FMNL3: variants seen among roughly 807,000 people sequenced by gnomAD.
The protein encoded by FMNL3 is formin-like protein 3.
Under a neutral mutation model 119.6 loss-of-function variants are expected in FMNL3, and 57 were observed. The observed-to-expected ratio is 0.48, with a 90% CI of 0.39 to 0.59. The LOEUF is 0.59. FMNL3 is among the 20% of genes least tolerant of loss of function. The pLI is 0.00. For synonymous variants in FMNL3, 491 were observed against 507.3 expected (o/e 0.97, Z 0.43); for missense variants, 1,053 against 1,323.5 (o/e 0.80, Z 3.17).
intron 1 of FMNL3, among the ~76,000 whole-genome samples, chr12:49,706,167 C>T (rs1945042383): frequency 1.3e-5 from 2 of 152,318 alleles, no homozygotes; most frequent in South Asian, 2.1e-4. Flanking sequence ...GGCTCCTTCC[C>T]GGTGATACCA....
At chr12:49,701,739 C>T (rs1338947341) in intron 1 of FMNL3, among the ~76,000 whole-genome samples, 2 of 151,942 alleles carry the variant, frequency 1.3e-5, no homozygotes, top group Non-Finnish European at 2.9e-5. Context: ...CTGGCCAACA[C>T]ATGGTGAAAC....
chr12:49,665,359 G>A (rs1455600219), intron 4 of FMNL3, among the ~76,000 whole-genome samples: 1 of 152,152 alleles, frequency 6.6e-6, no homozygotes, highest in Non-Finnish European at 1.5e-5. Flanking sequence ...GCTTAAGGAA[G>A]CTTCTGCTCA....
intron 1 of FMNL3, chr12:49,688,637 G>C (rs1258052457): frequency 2.5e-5 from 10 of 403,446 alleles, no homozygotes; most frequent in Admixed American, 1.8e-4. Flanking sequence ...CTGCAAGAAT[G>C]AACCAAAGAA....
At position 49,657,074 on chromosome 12, in the gene FMNL3, C is replaced by T. The variant is rs1330497220; in HGVS notation, c.714+8G>A. ...GTAGAGCACCTATGGCTAGTGCTTC[C>T]CCCTTACCTGATAGTTCATGATGGC... is the stretch of plus-strand genomic sequence containing the variant. On this transcript the variant is annotated splice_region_variant and intron_variant, in intron 7 of 25. Coordinates refer to ENST00000335154, the MANE Select transcript of FMNL3 (RefSeq NM_175736.5). The T allele has an allele frequency of 5.0e-6, 8 of 1,612,820 alleles. No homozygotes were observed. Among genetic ancestry groups the T allele is most frequent in the Non-Finnish European group, 6.8e-6 (8 of 1,178,838 alleles).
intron 16 of FMNL3, 87 bp from the exon 17 acceptor site, chr12:49,650,965 C>T (rs1443710015): frequency 2.7e-6 from 4 of 1,494,176 alleles, no homozygotes; most frequent in Non-Finnish European, 3.7e-6. Flanking sequence ...TGGCCCAGAG[C>T]TCTGTCACTC....
Position 49,645,706 on chromosome 12 carries a change from T to A in FMNL3, c.*109A>T. ...CCAGCCTCAAGAGCTGGGGCGGACATGGTTGAGAGAGCAACACAGCCCTCT... is the reference window on the plus strand; with the variant it reads ...CCAGCCTCAAGAGCTGGGGCGGACAAGGTTGAGAGAGCAACACAGCCCTCT... On this transcript the variant is annotated 3_prime_UTR_variant, in exon 26 of 26. Coordinates refer to ENST00000335154, the MANE Select transcript of FMNL3 (RefSeq NM_175736.5). 1 of 898,298 alleles carries A rather than the reference T, an allele frequency of 1.1e-6. No individual in the cohort carries two copies. Among genetic ancestry groups the A allele is most frequent in the East Asian group, 3.0e-5 (1 of 33,602 alleles). 55.6% of individuals were successfully genotyped at this position (898,298 alleles called of 1,614,324 possible).
intron 5 of FMNL3, 83 bp downstream of exon 5, chr12:49,661,883 C>T: frequency 7.7e-7 from 1 of 1,291,658 alleles, no homozygotes; most frequent in Non-Finnish European, 1.1e-6. Context: ...CATTGTTGAA[C>T]TCTCACCCTT....
At chr12:49,702,296 G>A (rs921200798) in intron 1 of FMNL3, among the ~76,000 whole-genome samples, 3 of 152,208 alleles carry the variant, frequency 2.0e-5, no homozygotes, top group African/African-American at 7.2e-5. Context: ...ATGGGTGACA[G>A]AGCGAGACTC....
At position 49,637,129 on chromosome 12, in the gene FMNL3, C is replaced by G; in HGVS notation, c.*8686G>C. ...TGGCAGCTAGGCCATGTTTATTTCC[C>G]TTGGTGGGGCACCCGACAGGCAGAG... On this transcript the variant is annotated 3_prime_UTR_variant, in exon 26 of 26. Transcript: ENST00000335154. 1 of 581,144 alleles carries G rather than the reference C, an allele frequency of 1.7e-6. No individual in the cohort carries two copies. Among genetic ancestry groups the G allele is most frequent in the Non-Finnish European group, 3.0e-6 (1 of 329,074 alleles). 36.0% of individuals were successfully genotyped at this position (581,144 alleles called of 1,614,324 possible). A position where few individuals can be genotyped will look rare whatever the true frequency, so the allele number is the denominator to read the frequency against.
rs1179867784 is a variant in FMNL3, at chr12:49,649,386, G to GCTCCT, written c.2305-52_2305-48dup. 1 of 1,613,348 alleles carries GCTCCT rather than the reference G, an allele frequency of 6.2e-7. No individual in the cohort carries two copies. The highest frequency in any genetic ancestry group is 1.1e-5 in the South Asian group (1 of 91,058). On this transcript the variant is annotated intron_variant, in intron 19 of 25. Coordinates refer to ENST00000335154, the MANE Select transcript of FMNL3 (RefSeq NM_175736.5). This position sits in a 1 kb window ranked among gnomAD's most constrained non-coding sequence, Gnocchi z 5.6. ...GGCAGGTCAGGCTCAGGTCCTGAAG[G>GCTCCT]CTCCTTCTTCCTCTCTGTATAGCCC...
chr12:49,687,096 CT>C (rs35284603), intron 1 of FMNL3, among the ~76,000 whole-genome samples: 274 of 142,306 alleles, frequency 1.9e-3, no homozygotes, highest in South Asian at 4.0e-3. Flanking sequence ...TTCCCCATTC[CT>C]TTTTTTTTTT....
intron 1 of FMNL3, among the ~76,000 whole-genome samples, chr12:49,686,285 T>G (rs910165490): frequency 9.4e-5 from 14 of 149,058 alleles, no homozygotes; most frequent in Non-Finnish European, 1.6e-4. Flanking sequence ...CTACTTAAAA[T>G]GTACTGAGCA....
At position 49,705,767 on chromosome 12, in the gene FMNL3, C is replaced by T. The variant is rs531486740; in HGVS notation, c.126+1288G>A. On this transcript the variant is annotated intron_variant, in intron 1 of 25. Coordinates refer to ENST00000335154, the MANE Select transcript of FMNL3 (RefSeq NM_175736.5). ...TCCCTTTGGCCCTTCGCAGAGCTGG[C>T]GGGCAGAGAGGTGCCAGCGACACCA... is the stretch of plus-strand genomic sequence containing the variant. Among the ~76,000 whole-genome samples the T allele has an allele frequency of 1.2e-4, 18 of 152,320 alleles. 1 individual carries two copies. The highest frequency in any genetic ancestry group is 1.0e-3 in the Admixed American group (16 of 15,288).
At chr12:49,670,450 T>C (rs373670634) in intron 1 of FMNL3, among the ~76,000 whole-genome samples, 198 of 152,308 alleles carry the variant, frequency 1.3e-3, no homozygotes, top group South Asian at 0.011. Context: ...GATAATAAAC[T>C]TATGTGGAAG....
rs750617575 is a variant in FMNL3 at position 49,652,057 on chromosome 12, C to T, written c.1479G>A (p.Glu493=). ...SEALARVGPA[E]LSEGMPPSDL... is the part of the protein sequence containing the mutation. Reference sequence around the variant, plus strand: ...CGGAGGGTGGCATGCCCTCACTCAGCTCTGCAGGGCCTACTCTGGCCAGGG... The same window carrying T: ...CGGAGGGTGGCATGCCCTCACTCAGTTCTGCAGGGCCTACTCTGGCCAGGG... The change falls in exon 14 of 26, where the codon GAG becomes GAA. Residue 493 remains glutamate (E), a synonymous_variant. Coordinates refer to ENST00000335154, the MANE Select transcript of FMNL3 (RefSeq NM_175736.5). The T allele has an allele frequency of 4.3e-6, 7 of 1,611,494 alleles. No homozygotes were observed. The Admixed American group carries it at 1.0e-4, about 23-fold the overall frequency.
chr12:49,650,037 C>T (rs1943346710), intron 17 of FMNL3, 112 bp from the exon 18 acceptor site: 1 of 883,296 alleles, frequency 1.1e-6, no homozygotes, highest in Non-Finnish European at 1.7e-6. Flanking sequence ...ACACGGAACA[C>T]AGCCAAAGGC....
At chr12:49,694,429 G>A (rs771428953) in intron 1 of FMNL3, among the ~76,000 whole-genome samples, 1 of 152,014 alleles carries the variant, frequency 6.6e-6, no homozygotes, top group Non-Finnish European at 1.5e-5. Flanking sequence ...TGCACCTTCC[G>A]TCACATGTGT....
chr12:49,648,906 G>C, intron 21 of FMNL3, 123 bp downstream of exon 21: 1 of 1,419,750 alleles, frequency 7.0e-7, no homozygotes, highest in Middle Eastern at 2.5e-4. Context: ...GCTTTGAAGT[G>C]GTCAGAAAGA....
Position 49,641,846 on chromosome 12 carries a change from T to C in FMNL3, c.*3969A>G, listed in dbSNP as rs1942702309. 1 of 1,408,696 alleles carries C rather than the reference T, an allele frequency of 7.1e-7. No homozygotes were observed. Among genetic ancestry groups the C allele is most frequent in the African/African-American group, 1.4e-5 (1 of 71,148 alleles). 87.3% of individuals were successfully genotyped at this position (1,408,696 alleles called of 1,614,324 possible). A position where few individuals can be genotyped will look rare whatever the true frequency, so the allele number is the denominator to read the frequency against. On this transcript the variant is annotated 3_prime_UTR_variant, in exon 26 of 26. Transcript: ENST00000335154. ...TTGACCATCTGTAATGTGACCACTC[T>C]GCCTGCCAGCTTTGGCCTCAGGCAC...
Sources: allele counts gnomAD v4.1 joint callset (sites outside exome capture counted in the v4.1 genomes callset), GRCh38; gene constraint gnomAD v4.1.1; non-coding constraint Gnocchi (gnomAD v3.1); transcripts MANE v1.5; gene names NCBI Gene and HGNC (gene_info 2026-07-23, HGNC 2026-07-21).